The following NBEA variants were observed in gnomAD, a reference collection of about 807,000 sequenced individuals.
NBEA encodes the protein lysosomal-trafficking regulator 2.
A neutral mutation model predicts 343.4 loss-of-function variants in NBEA; 44 were observed. The observed-to-expected ratio is 0.13, with a 90% CI of 0.10 to 0.16. NBEA has a LOEUF of 0.16. NBEA is among the 10% of genes least tolerant of loss of function. The pLI is 1.00. For synonymous variants in NBEA, 1,175 were observed against 1,238.7 expected (o/e 0.95, Z 1.08); for missense variants, 2,555 against 3,631.3 (o/e 0.70, Z 7.62).
intron 41 of NBEA, among the ~76,000 whole-genome samples, chr13:35,544,072 A>G (rs1309802593): frequency 6.6e-6 from 1 of 152,204 alleles, no homozygotes; most frequent in African/African-American, 2.4e-5. Flanking sequence ...AGCCATTGCC[A>G]CAAATTCCAA....
At chr13:35,426,952 C>T (rs1286003827) in intron 38 of NBEA, among the ~76,000 whole-genome samples, 3 of 152,168 alleles carry the variant, frequency 2.0e-5, no homozygotes, top group Non-Finnish European at 4.4e-5. Flanking sequence ...GCATTCGTCA[C>T]GTAGTTCTTG....
At chr13:35,071,907 C>A (rs191235768) in intron 10 of NBEA, among the ~76,000 whole-genome samples, 1 of 151,910 alleles carries the variant, frequency 6.6e-6, no homozygotes, top group African/African-American at 2.4e-5. Context: ...ATTCACCTCC[C>A]GTCTATGGGT....
At chr13:34,963,941 C>G (rs1049663613) in intron 1 of NBEA, among the ~76,000 whole-genome samples, 2 of 151,798 alleles carry the variant, frequency 1.3e-5, no homozygotes, top group Non-Finnish European at 2.9e-5. Context: ...ATATTAGGTA[C>G]CAGGGATTTT....
intron 34 of NBEA, chr13:35,251,098 G>T: frequency 1.1e-5 from 2 of 189,280 alleles, no homozygotes; most frequent in East Asian, 1.4e-4. Context: ...CACGAGGCAT[G>T]GTGAACTCTG....
At chr13:35,262,051 G>A (rs74048965) in intron 34 of NBEA, among the ~76,000 whole-genome samples, 6,508 of 152,284 alleles carry the variant, frequency 0.043, 159 homozygotes, top group South Asian at 0.078. Context: ...TTAAATGCCA[G>A]ATGAGCACAT....
At chr13:34,966,585 G>T (rs1263468475) in intron 1 of NBEA, among the ~76,000 whole-genome samples, 1 of 148,268 alleles carries the variant, frequency 6.7e-6, no homozygotes, top group Non-Finnish European at 1.5e-5. Flanking sequence ...TCGTGGCTTT[G>T]TGACCTTCAA....
chr13:35,268,035 C>A (rs967137360), intron 34 of NBEA, among the ~76,000 whole-genome samples: 2 of 152,026 alleles, frequency 1.3e-5, no homozygotes, highest in African/African-American at 4.8e-5. Flanking sequence ...AAAGCCTGGT[C>A]TCAAAGAGAC....
intron 1 of NBEA, among the ~76,000 whole-genome samples, chr13:34,995,607 A>G (rs2060912660): frequency 6.6e-6 from 1 of 152,130 alleles, no homozygotes; most frequent in East Asian, 1.9e-4. Flanking sequence ...CAGAAAACAG[A>G]GTGGGACAAA....
intron 48 of NBEA, among the ~76,000 whole-genome samples, chr13:35,615,470 AG>A (rs2082699674): frequency 6.6e-6 from 1 of 151,840 alleles, no homozygotes; most frequent in Non-Finnish European, 1.5e-5. Flanking sequence ...CACCCTTCCG[AG>A]TAGCTGGGAT....
At chr13:35,663,436 A>G (rs1462727883) in intron 55 of NBEA, among the ~76,000 whole-genome samples, 2 of 152,176 alleles carry the variant, frequency 1.3e-5, no homozygotes, top group African/African-American at 2.4e-5. Flanking sequence ...GTTGTTGCAA[A>G]TGACAGGATT....
chr13:35,270,217 A>G (rs189323753), intron 34 of NBEA, among the ~76,000 whole-genome samples: 312 of 152,324 alleles, frequency 2.0e-3, no homozygotes, highest in Middle Eastern at 0.02. Context: ...CAACCTCCAC[A>G]TAGAGAAATT....
intron 41 of NBEA, among the ~76,000 whole-genome samples, chr13:35,546,599 C>G (rs964561910): frequency 6.6e-6 from 1 of 150,806 alleles, no homozygotes; most frequent in Non-Finnish European, 1.5e-5. Context: ...GTCACCCAGG[C>G]TGGAGTGCAG....
At chr13:35,414,114 G>A (rs1382553025) in intron 38 of NBEA, among the ~76,000 whole-genome samples, 1 of 152,016 alleles carries the variant, frequency 6.6e-6, no homozygotes, top group Non-Finnish European at 1.5e-5. Context: ...ACCAAACTGA[G>A]GACATTCGTT....
intron 17 of NBEA, among the ~76,000 whole-genome samples, chr13:35,135,838 G>T (rs2067692738): frequency 6.6e-6 from 1 of 151,756 alleles, no homozygotes; most frequent in South Asian, 2.1e-4. Context: ...TCAATAATTG[G>T]CAGTGGGAAA....
chr13:35,336,216 G>A (rs371442180), intron 36 of NBEA, among the ~76,000 whole-genome samples: 4 of 152,076 alleles, frequency 2.6e-5, no homozygotes, highest in Non-Finnish European at 5.9e-5. Flanking sequence ...AGGGAAGAGA[G>A]AGAATGAGAT....
intron 38 of NBEA, among the ~76,000 whole-genome samples, chr13:35,405,242 G>A (rs2043215490): frequency 6.6e-6 from 1 of 152,118 alleles, no homozygotes. Context: ...GCAGGCACTA[G>A]GAAAAGAGCA....
intron 51 of NBEA, among the ~76,000 whole-genome samples, chr13:35,649,402 G>T (rs61949233): frequency 0.027 from 4,152 of 152,202 alleles, 94 homozygotes; most frequent in Non-Finnish European, 0.039. Context: ...TTGAATTGAG[G>T]CTGGTCTTTA....
At chr13:35,220,860 C>A (rs914294146) in intron 33 of NBEA, among the ~76,000 whole-genome samples, 1 of 152,144 alleles carries the variant, frequency 6.6e-6, no homozygotes, top group African/African-American at 2.4e-5. Flanking sequence ...AAAAATTAGA[C>A]TTTTTAAAAA....
At chr13:34,977,126 G>A (rs954198139) in intron 1 of NBEA, among the ~76,000 whole-genome samples, 1 of 151,708 alleles carries the variant, frequency 6.6e-6, no homozygotes, top group African/African-American at 2.4e-5. Flanking sequence ...TTTTAGTAGA[G>A]ATGATATTTC....
Sources: allele counts gnomAD v4.1 joint callset (sites outside exome capture counted in the v4.1 genomes callset), GRCh38; gene constraint gnomAD v4.1.1; transcripts MANE v1.5; gene names NCBI Gene and HGNC (gene_info 2026-07-23, HGNC 2026-07-21).